ABHD13: variants seen among roughly 807,000 people sequenced by gnomAD.
ABHD13 encodes the protein abhydrolase domain containing 13.
A neutral mutation model predicts 25.2 loss-of-function variants in ABHD13; 7 were observed. That is an observed-to-expected ratio of 0.28 (90% CI 0.16 to 0.52). The LOEUF is 0.52. ABHD13 is among the 20% of genes least tolerant of loss of function. The pLI, the probability that ABHD13 is intolerant of heterozygous loss-of-function variation, is 0.96. For missense variants in ABHD13, 302 were observed against 402.7 expected (o/e 0.75, Z 2.14); for synonymous variants, 133 against 136.1 (o/e 0.98, Z 0.16).
chr13:108,221,387 G>A (rs1879565292), intron 1 of ABHD13, among the ~76,000 whole-genome samples: 1 of 152,164 alleles, frequency 6.6e-6, no homozygotes, highest in South Asian at 2.1e-4. Flanking sequence ...GAGAGAGATT[G>A]ATATAAGAAT....
rs183131376 is a variant in ABHD13 at position 108,233,609 on chromosome 13, A to T, written c.*3377A>T. The T allele has an allele frequency of 2.3e-3, 384 of 166,770 alleles. 2 individuals are homozygous for T. The highest frequency in any genetic ancestry group is 8.6e-3 in the African/African-American group (357 of 41,500). The allele number at this position is 166,770 out of a possible 1,614,324, so 10.3% of individuals were successfully genotyped here. On this transcript the variant is annotated 3_prime_UTR_variant, in exon 2 of 2. Coordinates refer to ENST00000375898, the MANE Select transcript of ABHD13 (RefSeq NM_032859.3). ...ACTTAAATTTAGGTATTTTCATATT[A>T]CTCAGGTAAAGATGGAAATGACAGA... is the stretch of plus-strand genomic sequence containing the variant.
chr13:108,224,030 A>G (rs1204146168), intron 1 of ABHD13, among the ~76,000 whole-genome samples: 1 of 152,206 alleles, frequency 6.6e-6, no homozygotes, highest in Non-Finnish European at 1.5e-5. Context: ...AACATTGCAT[A>G]AGTTTCCACT....
At chr13:108,225,875 G>A (rs866204748) in intron 1 of ABHD13, among the ~76,000 whole-genome samples, 32 of 152,272 alleles carry the variant, frequency 2.1e-4, no homozygotes, top group African/African-American at 7.0e-4. Flanking sequence ...CTACTCAGCA[G>A]CCCTTCTAGT....
chr13:108,228,990 A>G (rs1378525797), intron 1 of ABHD13, among the ~76,000 whole-genome samples: 1 of 152,048 alleles, frequency 6.6e-6, no homozygotes, highest in Non-Finnish European at 1.5e-5. Context: ...AGTGTTTCCT[A>G]AATATGACAG....
rs369867688 is a variant in ABHD13, at chr13:108,218,519, C to G, written c.-161C>G. On this transcript the variant is annotated 5_prime_UTR_variant, in exon 1 of 2. Coordinates refer to ENST00000375898, the MANE Select transcript of ABHD13 (RefSeq NM_032859.3). Reference sequence around the variant, plus strand: ...GGGCCACAGCTCGCAGCAGGAGCTCCGGGCTAGACCGTGGCGCCGGCAGCG... The same window carrying G: ...GGGCCACAGCTCGCAGCAGGAGCTCGGGGCTAGACCGTGGCGCCGGCAGCG... The G allele has an allele frequency of 6.6e-6, 1 of 151,904 alleles. No homozygotes were observed. 9.4% of individuals were successfully genotyped at this position (151,904 alleles called of 1,614,324 possible).
chr13:108,227,114 A>T (rs996352672), intron 1 of ABHD13, among the ~76,000 whole-genome samples: 1 of 152,144 alleles, frequency 6.6e-6, no homozygotes, highest in African/African-American at 2.4e-5. Context: ...ATGATTGTTT[A>T]TCACAAAACA....
At chr13:108,223,323 T>G (rs956472781) in intron 1 of ABHD13, among the ~76,000 whole-genome samples, 1 of 152,216 alleles carries the variant, frequency 6.6e-6, no homozygotes, top group African/African-American at 2.4e-5. Flanking sequence ...CCATAGTTTG[T>G]CAGTTGTCTT....
At position 108,222,244 on chromosome 13, in the gene ABHD13, A is replaced by G. The variant is rs541073700; in HGVS notation, c.-21+3585A>G. ...CAATTTTTATTGTAAAATGTTATCTATGATACAATAGATTTGTCTAATTTA... is the reference window on the plus strand; with the variant it reads ...CAATTTTTATTGTAAAATGTTATCTGTGATACAATAGATTTGTCTAATTTA... On this transcript the variant is annotated intron_variant, in intron 1 of 1. Coordinates refer to ENST00000375898, the MANE Select transcript of ABHD13 (RefSeq NM_032859.3). Among the ~76,000 whole-genome samples, 25 of 152,306 alleles carry G rather than the reference A, an allele frequency of 1.6e-4. No homozygotes were observed. The South Asian group carries it at 3.3e-3, about 20-fold the overall frequency.
At position 108,229,993 on chromosome 13, in the gene ABHD13, C is replaced by T. The variant is rs1459954860; in HGVS notation, c.775C>T (p.Pro259Ser). Reference sequence around the variant, plus strand: ...CAGAAAAATCTCTCAGTGTAGAATGCCTTCACTTTTCATCTCTGGACTCTC... The same window carrying T: ...CAGAAAAATCTCTCAGTGTAGAATGTCTTCACTTTTCATCTCTGGACTCTC... ...SYRKISQCRM[P>S]SLFISGLSDQ... Residue 259 changes from proline (P) to serine (S), a missense_variant, in exon 2 of 2, where the codon CCT becomes TCT. Pro to Ser is a moderately conservative substitution (Grantham distance 74). Coordinates refer to ENST00000375898, the MANE Select transcript of ABHD13 (RefSeq NM_032859.3). The surrounding 1 kb of genome is among the most constrained non-coding windows in gnomAD (Gnocchi z 4.7). 6.2e-7 allele frequency: 1 copy of T among 1,613,014 alleles called. No homozygotes were observed. Among genetic ancestry groups the T allele is most frequent in the Non-Finnish European group, 8.5e-7 (1 of 1,179,384 alleles).
At position 108,231,440 on chromosome 13, in the gene ABHD13, A is replaced by G. The variant is rs975595626; in HGVS notation, c.*1208A>G. 4.2e-5 allele frequency: 7 copies of G among 166,758 alleles called. No individual in the cohort carries two copies. Among genetic ancestry groups the G allele is most frequent in the African/African-American group, 1.7e-4 (7 of 41,418 alleles). The allele number at this position is 166,758 out of a possible 1,614,324, so 10.3% of individuals were successfully genotyped here. A position where few individuals can be genotyped will look rare whatever the true frequency, so the allele number is the denominator to read the frequency against. ...AGGAATTCTGGAGCTTTTTGACACA[A>G]AACCTATTACCACATTTAGCAGTTA... is the stretch of plus-strand genomic sequence containing the variant. On this transcript the variant is annotated 3_prime_UTR_variant, in exon 2 of 2. Transcript: ENST00000375898.
In ABHD13 at chr13:108,233,975, A is replaced by G. The variant is rs2139018418; in HGVS notation, c.*3743A>G. 6.0e-6 allele frequency: 1 copy of G among 166,960 alleles called. No individual in the cohort carries two copies. The highest frequency in any genetic ancestry group is 2.1e-4 in the South Asian group (1 of 4,822). 10.3% of individuals were successfully genotyped at this position (166,960 alleles called of 1,614,324 possible). A position where few individuals can be genotyped will look rare whatever the true frequency, so the allele number is the denominator to read the frequency against. ...ATTTCTGTCAGTACAGCGTATATGG[A>G]AAATTCAAGTTGTTTTTAACATATT... On this transcript the variant is annotated 3_prime_UTR_variant, in exon 2 of 2. Coordinates refer to ENST00000375898, the MANE Select transcript of ABHD13 (RefSeq NM_032859.3).
In ABHD13 at chr13:108,224,552, C is replaced by T. The variant is rs535730710; in HGVS notation, c.-20-4647C>T. On this transcript the variant is annotated intron_variant, in intron 1 of 1. Transcript: ENST00000375898. ...ATTTTTCCTTAAAAATGGAACCATTCGTGATCCTATATGAACACAGGAGAT... is the reference window on the plus strand; with the variant it reads ...ATTTTTCCTTAAAAATGGAACCATTTGTGATCCTATATGAACACAGGAGAT... 1.1e-4 allele frequency among the ~76,000 whole-genome samples: 16 copies of T among 152,220 alleles called. No homozygotes were observed. The South Asian group carries it at 1.9e-3, about 18-fold the overall frequency.
In ABHD13 at chr13:108,232,575, G is replaced by C. The variant is rs1555308905; in HGVS notation, c.*2343G>C. The C allele has an allele frequency of 6.0e-6, 1 of 166,850 alleles. No homozygotes were observed. The highest frequency in any genetic ancestry group is 1.5e-5 in the Non-Finnish European group (1 of 68,028). 10.3% of individuals were successfully genotyped at this position (166,850 alleles called of 1,614,324 possible). ...CTTCTTCAGGAGTCACTCCTTTACT[G>C]TGGACCCATTGCTTAGTGGGAATGG... On this transcript the variant is annotated 3_prime_UTR_variant, in exon 2 of 2. Transcript: ENST00000375898.
rs572693067 is a variant in ABHD13, at chr13:108,232,118, A to C, written c.*1886A>C. On this transcript the variant is annotated 3_prime_UTR_variant, in exon 2 of 2. Transcript: ENST00000375898. ...CATTCTTTAAAGTTTACAAAAAAAA[A>C]CCTTATGTTTTTATGTAATCAGTCA... 8.6e-5 allele frequency: 13 copies of C among 150,408 alleles called. No individual in the cohort carries two copies. Among genetic ancestry groups the C allele is most frequent in the South Asian group, 4.5e-4 (2 of 4,436 alleles). 9.3% of individuals were successfully genotyped at this position (150,408 alleles called of 1,614,324 possible).
chr13:108,219,905 T>A (rs1327672819), intron 1 of ABHD13, among the ~76,000 whole-genome samples: 1 of 152,192 alleles, frequency 6.6e-6, no homozygotes, highest in Non-Finnish European at 1.5e-5. Context: ...TGTGTTCAGA[T>A]ACGGTACCTC....
chr13:108,226,437 T>C (rs1222947201), intron 1 of ABHD13, among the ~76,000 whole-genome samples: 1 of 152,186 alleles, frequency 6.6e-6, no homozygotes, highest in Non-Finnish European at 1.5e-5. Context: ...AGTCCAGATG[T>C]AGCTCATCAG....
chr13:108,231,859 T>A lies in ABHD13; in HGVS notation c.*1627T>A, dbSNP rs1168482828. 6.4e-6 allele frequency: 1 copy of A among 155,642 alleles called. No individual in the cohort carries two copies. Among genetic ancestry groups the A allele is most frequent in the Admixed American group, 7.5e-5 (1 of 13,408 alleles). 9.6% of individuals were successfully genotyped at this position (155,642 alleles called of 1,614,324 possible). Reference sequence around the variant, plus strand: ...AATAAATTATAGCAAGTATGATTTCTAAGAATGTTTTTCTATAAATTACTA... The same window carrying A: ...AATAAATTATAGCAAGTATGATTTCAAAGAATGTTTTTCTATAAATTACTA... On this transcript the variant is annotated 3_prime_UTR_variant, in exon 2 of 2. Coordinates refer to ENST00000375898, the MANE Select transcript of ABHD13 (RefSeq NM_032859.3).
intron 1 of ABHD13, among the ~76,000 whole-genome samples, chr13:108,221,815 G>A (rs749850034): frequency 3.3e-5 from 5 of 151,540 alleles, no homozygotes; most frequent in South Asian, 2.1e-4. Context: ...TCCGTAACTC[G>A]ATATACAATA....
chr13:108,221,190 A>C (rs1566378746), intron 1 of ABHD13, among the ~76,000 whole-genome samples: 1 of 152,248 alleles, frequency 6.6e-6, no homozygotes, highest in Non-Finnish European at 1.5e-5. Context: ...ATAGGCAGTT[A>C]CTGTTCATTT....
Sources: gnomAD v4.1 joint callset for allele counts (sites outside exome capture counted in the v4.1 genomes callset) on GRCh38, gnomAD v4.1.1 for gene constraint, Gnocchi (gnomAD v3.1) non-coding constraint, MANE v1.5 for transcripts, NCBI Gene and HGNC (gene_info 2026-07-23, HGNC 2026-07-21) for gene names.